Variants in PODNL1 observed in about 807,000 individuals in gnomAD.
The protein encoded by PODNL1 is podocan-like protein 1.
PODNL1 carries 50 observed loss-of-function variants against 45.1 expected under a neutral mutation model. The observed-to-expected ratio is 1.11, with a 90% CI of 0.88 to 1.40. The LOEUF is 1.40. Ranked by LOEUF, PODNL1 falls within the 40% of genes most tolerant of loss-of-function variation. The probability of loss-of-function intolerance (pLI) is 0.00; values close to 1 mark genes in which losing one functional copy is unlikely to be tolerated. For synonymous variants in PODNL1, 406 were observed against 372.5 expected (o/e 1.09, Z -1.04); for missense variants, 788 against 793.3 (o/e 0.99, Z 0.08).
chr19:13,932,697 T>C, intron 8 of PODNL1, 101 bp downstream of exon 8: 1 of 1,601,058 alleles, frequency 6.2e-7, no homozygotes, highest in South Asian at 1.1e-5. Context: ...TTTCTTGTTC[T>C]GATTGCTTTA....
In PODNL1 at chr19:13,938,000, TC is replaced by T; in HGVS notation, c.9del (p.Ser4AlafsTer147). The T allele has an allele frequency of 1.3e-6, 2 of 1,529,408 alleles. No homozygotes were observed. The highest frequency in any genetic ancestry group is 1.8e-6 in the Non-Finnish European group (2 of 1,133,058). 94.7% of individuals were successfully genotyped at this position (1,529,408 alleles called of 1,614,324 possible). On this transcript the variant is annotated frameshift_variant, in exon 2 of 10. Transcript: ENST00000588872. LOFTEE classifies it high-confidence loss of function. MW[P>X]SLLLLLLLPG... ...GGCAACAGCAGGAGCAGCAGCAGGC[TC>T]GGCCACTGCGGGGGAGGGAGGGTCA... is the stretch of plus-strand genomic sequence containing the variant.
intron 1 of PODNL1, among the ~76,000 whole-genome samples, chr19:13,948,942 G>GA (rs554640847): frequency 0.058 from 7,349 of 126,032 alleles, 531 homozygotes; most frequent in African/African-American, 0.17. Flanking sequence ...CTCTGTCTCA[G>GA]AAAAAAAAAA....
rs148069952 is a variant in PODNL1 at position 13,936,461 on chromosome 19, C to A, written c.226-1G>T. The A allele has an allele frequency of 1.2e-6, 2 of 1,612,074 alleles. No individual in the cohort carries two copies. Among genetic ancestry groups the A allele is most frequent in the Non-Finnish European group, 1.7e-6 (2 of 1,178,538 alleles). ...AGGGGAGTTCCTGGAGCTGGTTGTT[C>A]TGCAGGGTGAGAGTTGGGGTGTTCA... is the stretch of plus-strand genomic sequence containing the variant. On this transcript the variant is annotated splice_acceptor_variant, in intron 2 of 9. Coordinates refer to ENST00000588872, the MANE Select transcript of PODNL1 (RefSeq NM_001370095.3). LOFTEE classifies it high-confidence loss of function.
In PODNL1 at chr19:13,933,794, G is replaced by C. The variant is rs1972131715; in HGVS notation, c.767+84C>G. 8.2e-7 allele frequency: 1 copy of C among 1,224,806 alleles called. No individual in the cohort carries two copies. Among genetic ancestry groups the C allele is most frequent in the Non-Finnish European group, 1.2e-6 (1 of 857,072 alleles). The allele number at this position is 1,224,806 out of a possible 1,614,324, so 75.9% of individuals were successfully genotyped here. On this transcript the variant is annotated intron_variant, in intron 7 of 9. Transcript: ENST00000588872. The surrounding 1 kb of genome is among the most constrained non-coding windows in gnomAD (Gnocchi z 5.2). ...ACTCAGTAAATGAGGCCGTGGCTTA[G>C]GAGCCAGTCAGGGAAGGGGGACTGA...
At chr19:13,952,934 C>T in intron 1 of PODNL1, 1 of 875,278 alleles carries the variant, frequency 1.1e-6, no homozygotes, top group Non-Finnish European at 1.7e-6. Flanking sequence ...ACCCCAGAGG[C>T]CGCAGGGAGA....
intron 2 of PODNL1, among the ~76,000 whole-genome samples, 176 bp downstream of exon 2, chr19:13,937,609 T>G (rs1354965754): frequency 1.3e-5 from 2 of 152,082 alleles, no homozygotes; most frequent in Non-Finnish European, 2.9e-5. Context: ...CCTCTCATCT[T>G]GGGCATGCAG....
At chr19:13,940,902 C>T (rs1390880149), upstream of PODNL1, among the ~76,000 whole-genome samples, 1 of 151,776 alleles carries the variant, frequency 6.6e-6, no homozygotes, top group African/African-American at 2.4e-5. Flanking sequence ...CAAAACTTAG[C>T]GGGGCATGGT....
At chr19:13,941,507 G>A (rs1972655403), upstream of PODNL1, among the ~76,000 whole-genome samples, 1 of 152,036 alleles carries the variant, frequency 6.6e-6, no homozygotes, top group Non-Finnish European at 1.5e-5. Flanking sequence ...ACAGGGGAGG[G>A]AGGAAGTGAT....
intron 5 of PODNL1, 88 bp from the exon 6 acceptor site, chr19:13,934,498 AGT>A (rs767618376): frequency 0.07 from 64,414 of 913,736 alleles, 407 homozygotes; most frequent in African/African-American, 0.14. Context: ...GGTCGCCTTC[AGT>A]GTGTGTGTGT....
Position 13,952,953 on chromosome 19 carries a change from G to A in PODNL1, c.18+166C>T. ...CAGAGGCCGCAGGGAGAATCAGGAGGAAGGGGGCGATCCAGGCTTTTCAAA... is the reference window on the plus strand; with the variant it reads ...CAGAGGCCGCAGGGAGAATCAGGAGAAAGGGGGCGATCCAGGCTTTTCAAA... On this transcript the variant is annotated intron_variant, in intron 1 of 7. Coordinates refer to the PODNL1 transcript ENST00000538371. The A allele has an allele frequency of 3.2e-6, 3 of 929,496 alleles. No individual in the cohort carries two copies. In the East Asian group the frequency reaches 9.0e-5, roughly 28 times the overall value. The allele number at this position is 929,496 out of a possible 1,614,324, so 57.6% of individuals were successfully genotyped here.
At chr19:13,953,358 C>T in exon 1 of PODNL1, 1 of 503,672 alleles carries the variant, frequency 2.0e-6, no homozygotes, top group Non-Finnish European at 3.5e-6. Flanking sequence ...GGGACTGCGC[C>T]TTCTCCGTGA....
intron 8 of PODNL1, 153 bp downstream of exon 8, chr19:13,932,645 C>T: frequency 9.1e-6 from 14 of 1,539,162 alleles, no homozygotes; most frequent in Non-Finnish European, 1.2e-5. Flanking sequence ...CATGAGCCAC[C>T]TCACCCAGCC....
chr19:13,952,546 G>A lies in PODNL1; in HGVS notation c.18+573C>T, dbSNP rs1206628774. On this transcript the variant is annotated intron_variant, in intron 1 of 7. Transcript: ENST00000538371. ...CAGCTCGAAATCGGAGCGGAACAGC[G>A]GGGCTGGGAGCGGCGGCGGCGGCCC... 5 of 1,261,872 alleles carry A rather than the reference G, an allele frequency of 4.0e-6. No homozygotes were observed. The highest frequency in any genetic ancestry group is 3.1e-5 in the East Asian group (1 of 31,780). 78.2% of individuals were successfully genotyped at this position (1,261,872 alleles called of 1,614,324 possible). A position where few individuals can be genotyped will look rare whatever the true frequency, so the allele number is the denominator to read the frequency against.
chr19:13,931,943 C>G, intron 9 of PODNL1, 21 bp downstream of exon 9: 1 of 1,232,286 alleles, frequency 8.1e-7, no homozygotes, highest in Non-Finnish European at 1.0e-6. Flanking sequence ...ACCTCCACCC[C>G]TCCGGTCACC....
chr19:13,936,139 A>G, intron 3 of PODNL1, 95 bp from the exon 4 acceptor site: 2 of 1,193,556 alleles, frequency 1.7e-6, no homozygotes, highest in South Asian at 1.3e-5. Context: ...TCGGCCGGGG[A>G]ACTGGCAGAG....
chr19:13,933,720 G>A lies in PODNL1; in HGVS notation c.767+158C>T, dbSNP rs752621648. On this transcript the variant is annotated intron_variant, in intron 7 of 9. Transcript: ENST00000588872. The surrounding 1 kb of genome is among the most constrained non-coding windows in gnomAD (Gnocchi z 5.2). ...TACGATGTCAGTGCAGGGCTGTGGG[G>A]AACAGGGACACCTACCCAGTGCTCT... Among the ~76,000 whole-genome samples, 1 of 152,160 alleles carries A rather than the reference G, an allele frequency of 6.6e-6. No individual in the cohort carries two copies. Among genetic ancestry groups the A allele is most frequent in the Non-Finnish European group, 1.5e-5 (1 of 68,026 alleles).
At chr19:13,941,854 T>C (rs935633907), upstream of PODNL1, among the ~76,000 whole-genome samples, 1 of 152,138 alleles carries the variant, frequency 6.6e-6, no homozygotes. Context: ...GAGAGGTGGT[T>C]ATCTGTTCAT....
At chr19:13,952,537 C>A (rs1186601546) in intron 1 of PODNL1, 21 of 1,251,228 alleles carry the variant, frequency 1.7e-5, no homozygotes, top group Non-Finnish European at 2.1e-5. Context: ...GAAATCGGAG[C>A]GGAACAGCGG....
intron 1 of PODNL1, among the ~76,000 whole-genome samples, chr19:13,943,614 A>G (rs1207137459): frequency 6.6e-6 from 1 of 152,062 alleles, no homozygotes; most frequent in Non-Finnish European, 1.5e-5. Flanking sequence ...GGTGCATGCC[A>G]CCACGCCCGG....
Sources: gnomAD v4.1 joint callset for allele counts (sites outside exome capture counted in the v4.1 genomes callset) on GRCh38, gnomAD v4.1.1 for gene constraint, Gnocchi (gnomAD v3.1) non-coding constraint, MANE v1.5 for transcripts, NCBI Gene and HGNC (gene_info 2026-07-23, HGNC 2026-07-21) for gene names.